The following MDC1 variants were observed in gnomAD, a reference collection of about 807,000 sequenced individuals.
MDC1 encodes the protein mediator of DNA damage checkpoint protein 1.
MDC1 carries 81 observed loss-of-function variants against 142.5 expected under a neutral mutation model. The ratio of observed to expected loss-of-function variants is 0.57; its 90% CI spans 0.47 to 0.68. The LOEUF (loss-of-function observed/expected upper bound fraction) is 0.68. Ranked by LOEUF, MDC1 falls within the 30% of genes least tolerant of loss-of-function variation. MDC1 has a pLI of 0.00. For missense variants in MDC1, 2,119 were observed against 2,547.9 expected, an observed-to-expected ratio of 0.83 and a Z score of 3.62; for synonymous variants, 797 against 968.4, an observed-to-expected ratio of 0.82 and a Z score of 3.29.
chr6:30,704,615 G>A lies in MDC1; in HGVS notation c.4568C>T (p.Ser1523Phe). The A allele has an allele frequency of 6.2e-7, 1 of 1,610,512 alleles. No individual in the cohort carries two copies. Among genetic ancestry groups the A allele is most frequent in the South Asian group, 1.1e-5 (1 of 90,790 alleles). The stretch of plus-strand genomic sequence containing the variant: ...CACAACTGTTTCAGGGGTCTTGACA[G>A]AGGACCGATTTTTTCTTCCCCTAGT... ...RTTRGRKNRS[S>F]VKTPETVVPA... is the part of the protein sequence containing the mutation. The change falls in exon 10 of 15, where the codon TCT becomes TTT. Residue 1523 changes from serine to phenylalanine, a missense_variant. Coordinates refer to ENST00000376406, the MANE Select transcript of MDC1 (RefSeq NM_014641.3).
chr6:30,713,526 A>T lies in MDC1; in HGVS notation c.587+122T>A. The T allele has an allele frequency of 8.0e-7, 1 of 1,247,404 alleles. No individual in the cohort carries two copies. The highest frequency in any genetic ancestry group is 1.5e-5 in the African/African-American group (1 of 65,700). The allele number at this position is 1,247,404 out of a possible 1,614,324, so 77.3% of individuals were successfully genotyped here. A position where few individuals can be genotyped will look rare whatever the true frequency, so the allele number is the denominator to read the frequency against. ...GCTCCATAAAAATTCAGCTGAGTGA[A>T]TGAATATGTATGGTTCCCCAGCCCC... On this transcript the variant is annotated intron_variant, in intron 4 of 14. Transcript: ENST00000376406. The surrounding 1 kb of genome is among the most constrained non-coding windows in gnomAD (Gnocchi z 4.9).
Position 30,700,690 on chromosome 6 carries a change from A to T in MDC1, c.6103-58T>A. ...GAAAAAGAATCCTAGAAATGGGTTC[A>T]GGACCCACTAACCAGTCTTACCATC... On this transcript the variant is annotated intron_variant, in intron 14 of 14. Coordinates refer to ENST00000376406, the MANE Select transcript of MDC1 (RefSeq NM_014641.3). 2.5e-6 allele frequency: 4 copies of T among 1,573,722 alleles called. No individual in the cohort carries two copies. The South Asian group carries it at 4.5e-5, about 18-fold the overall frequency.
At chr6:30,710,120 A>C (rs9501338) in intron 7 of MDC1, among the ~76,000 whole-genome samples, 7,376 of 149,186 alleles carry the variant, frequency 0.049, 358 homozygotes, top group African/African-American at 0.12. Context: ...ATGAAGTCTC[A>C]CTCTGTTGCC....
rs1562077114 is a variant in MDC1 at position 30,703,071 on chromosome 6, AT to A, written c.5865+32del. On this transcript the variant is annotated intron_variant, in intron 12 of 14. Transcript: ENST00000376406. The surrounding 1 kb of genome is among the most constrained non-coding windows in gnomAD (Gnocchi z 4.4). ...GCACTATATGAGCAGTCTTGCCACT[AT>A]ATCGGTCTGTCATCATCCCTTGGCC... 2.5e-6 allele frequency: 4 copies of A among 1,601,444 alleles called. No homozygotes were observed. The South Asian group carries it at 4.5e-5, about 18-fold the overall frequency.
At chr6:30,710,558 C>G (rs917748941) in intron 7 of MDC1, among the ~76,000 whole-genome samples, 5 of 150,202 alleles carry the variant, frequency 3.3e-5, no homozygotes, top group African/African-American at 9.7e-5. Flanking sequence ...CCACCACACC[C>G]GGCTAATTTT....
rs1220222284 is a variant in MDC1 at position 30,703,327 on chromosome 6, C to A, written c.5683-41G>T. 5.6e-6 allele frequency: 9 copies of A among 1,608,248 alleles called. No individual in the cohort carries two copies. The Admixed American group carries it at 1.5e-4, about 27-fold the overall frequency. On this transcript the variant is annotated intron_variant, in intron 11 of 14. Transcript: ENST00000376406. The surrounding 1 kb of genome is among the most constrained non-coding windows in gnomAD (Gnocchi z 4.4). ...CCTGAGGTGGTTACGGCAACCCATG[C>A]CATCAGCACCCATCTCTACAATCCT...
rs751321678 is a variant in MDC1, at chr6:30,704,723, T to G, written c.4460A>C (p.Glu1487Ala). The change falls in exon 10 of 15, where the codon GAA becomes GCA. Residue 1487 changes from glutamate to alanine, a missense_variant. Transcript: ENST00000376406. ...CTCAGGGGCTGTGGGGACAACTGTT[T>G]CAGGAGTCTTGACAGAGGATCTATC... ...RTDRSSVKTP[E>A]TVVPTAPELQ... 8 of 1,611,538 alleles carry G rather than the reference T, an allele frequency of 5.0e-6. No homozygotes were observed. In the African/African-American group the frequency reaches 8.1e-5, roughly 16 times the overall value.
chr6:30,705,854 C>G lies in MDC1; in HGVS notation c.3329G>C (p.Arg1110Pro). The change falls in exon 10 of 15, where the codon CGG becomes CCG. Residue 1110 changes from arginine (R) to proline (P), a missense_variant. By Grantham distance (103) the Arg-to-Pro change is moderately radical (BLOSUM62 -2). Transcript: ENST00000376406. ...PFHPKPKIRT[R>P]KSSRMTPFPA... Reference sequence around the variant, plus strand: ...AAAGGGTGTCATTCTGGAGGACTTCCGAGTTCTAATTTTAGGCTTTGGGTG... The same window carrying G: ...AAAGGGTGTCATTCTGGAGGACTTCGGAGTTCTAATTTTAGGCTTTGGGTG... 1 of 1,610,630 alleles carries G rather than the reference C, an allele frequency of 6.2e-7. No homozygotes were observed. The highest frequency in any genetic ancestry group is 8.5e-7 in the Non-Finnish European group (1 of 1,178,300).
At position 30,703,863 on chromosome 6, in the gene MDC1, C is replaced by A; in HGVS notation, c.5320G>T (p.Ala1774Ser). The A allele has an allele frequency of 2.5e-6, 4 of 1,613,854 alleles. No homozygotes were observed. Among genetic ancestry groups the A allele is most frequent in the Middle Eastern group, 1.7e-4 (1 of 6,058 alleles). Residue 1774 changes from alanine (A) to serine (S), a missense_variant, in exon 10 of 15, where the codon GCC becomes TCC. Transcript: ENST00000376406. This position sits in a 1 kb window ranked among gnomAD's most constrained non-coding sequence, Gnocchi z 4.4. Reference sequence around the variant, plus strand: ...GGTGTCTCAAGAAGCTGGGGAGAGGCAGGCTCAGGAATGGCTGTAAGGGAT... The same window carrying A: ...GGTGTCTCAAGAAGCTGGGGAGAGGAAGGCTCAGGAATGGCTGTAAGGGAT... ...AESLTAIPEP[A>S]SPQLLETPIH...
intron 6 of MDC1, 38 bp from the exon 7 acceptor site, chr6:30,711,542 T>C: frequency 6.2e-7 from 1 of 1,601,824 alleles, no homozygotes; most frequent in Non-Finnish European, 8.5e-7. Flanking sequence ...ATCTCCTCCA[T>C]ACTACTGTAG....
At position 30,705,582 on chromosome 6, in the gene MDC1, T is replaced by G. The variant is rs143258964; in HGVS notation, c.3601A>C (p.Thr1201Pro). ...KSRSSVKTPE[T>P]VVPTALELQP... ...AGCTCAAGGGCTGTGGGCACAACTG[T>G]TTCAGGGGTCTTGACAGAGGATCTA... is the stretch of plus-strand genomic sequence containing the variant. The change falls in exon 10 of 15, where the codon ACA becomes CCA. Residue 1201 changes from threonine (T) to proline (P), a missense_variant. Coordinates refer to ENST00000376406, the MANE Select transcript of MDC1 (RefSeq NM_014641.3). 5.2e-3 allele frequency: 7,996 copies of G among 1,543,964 alleles called. 144 individuals carry two copies. The highest frequency in any genetic ancestry group is 0.038 in the Middle Eastern group (217 of 5,694).
At position 30,699,822 on chromosome 6, in the gene MDC1, A is replaced by T. The variant is rs1452941360; in HGVS notation, c.*643T>A. 1 of 214,914 alleles carries T rather than the reference A, an allele frequency of 4.7e-6. No homozygotes were observed. Among genetic ancestry groups the T allele is most frequent in the East Asian group, 6.9e-5 (1 of 14,500 alleles). 13.3% of individuals were successfully genotyped at this position (214,914 alleles called of 1,614,324 possible). On this transcript the variant is annotated 3_prime_UTR_variant, in exon 15 of 15. Transcript: ENST00000376406. ...CACTACACCATAAGGCACAGAGTGAATATTTATTTATCACAGAGGTCAAGC... is the reference window on the plus strand; with the variant it reads ...CACTACACCATAAGGCACAGAGTGATTATTTATTTATCACAGAGGTCAAGC...
chr6:30,711,398 A>G lies in MDC1; in HGVS notation c.2221+14T>C. 6.3e-7 allele frequency: 1 copy of G among 1,595,806 alleles called. No homozygotes were observed. Among genetic ancestry groups the G allele is most frequent in the Non-Finnish European group, 8.6e-7 (1 of 1,165,636 alleles). ...CAGAATTGGGGACACAGAGGAGGGAAGAGTTTCTTATACCTGTTGTCTGGA... is the reference window on the plus strand; with the variant it reads ...CAGAATTGGGGACACAGAGGAGGGAGGAGTTTCTTATACCTGTTGTCTGGA... On this transcript the variant is annotated intron_variant, in intron 7 of 14. Coordinates refer to ENST00000376406, the MANE Select transcript of MDC1 (RefSeq NM_014641.3).
At chr6:30,707,335 A>G (rs1774044936) in intron 9 of MDC1, 49 bp downstream of exon 9, 1 of 1,539,860 alleles carries the variant, frequency 6.5e-7, no homozygotes, top group Non-Finnish European at 9.0e-7. Context: ...GCATTGGAGA[A>G]GATATAGAGA....
In MDC1 at chr6:30,703,149, G is replaced by C; in HGVS notation, c.5820C>G (p.Ala1940=). The change falls in exon 12 of 15, where the codon GCC becomes GCG. Residue 1940 remains alanine, a synonymous_variant. Transcript: ENST00000376406. The surrounding 1 kb of genome is among the most constrained non-coding windows in gnomAD (Gnocchi z 4.4). ...RIRRTVKFLC[A]LGRGIPILSL... Reference sequence around the variant, plus strand: ...ACAGAATGGGGATTCCCCGCCCCAGGGCACACAGGAACTTGACTGTCCGGC... The same window carrying C: ...ACAGAATGGGGATTCCCCGCCCCAGCGCACACAGGAACTTGACTGTCCGGC... The C allele has an allele frequency of 6.2e-7, 1 of 1,613,100 alleles. No individual in the cohort carries two copies. Among genetic ancestry groups the C allele is most frequent in the East Asian group, 2.2e-5 (1 of 44,882 alleles).
Position 30,705,035 on chromosome 6 carries a change from A to T in MDC1, c.4148T>A (p.Val1383Asp). ...LPPSTSTEQP[V>D]TPEPTSRATR... ...AGCCCGAGATGTGGGCTCAGGGGTG[A>T]CAGGCTGCTCTGTGGAGGTGGAAGG... The change falls in exon 10 of 15, where the codon GTC becomes GAC. Residue 1383 changes from valine (V) to aspartate (D), a missense_variant. By Grantham distance (152) the Val-to-Asp change is radical. Transcript: ENST00000376406. 1 of 1,611,192 alleles carries T rather than the reference A, an allele frequency of 6.2e-7. No individual in the cohort carries two copies. Among genetic ancestry groups the T allele is most frequent in the Non-Finnish European group, 8.5e-7 (1 of 1,179,240 alleles).
rs936179352 is a variant in MDC1 at position 30,705,127 on chromosome 6, C to T, written c.4056G>A (p.Arg1352=). The part of the protein sequence containing the change: ...VTPKPTSRTT[R]SRTNMSSVKN... ...TCACAGAGGACATATTTGTCCTGCT[C>T]CTAGTGGTCCGAGATGTGGGCTTAG... The change falls in exon 10 of 15, where the codon AGG becomes AGA. Residue 1352 remains arginine, a synonymous_variant. Transcript: ENST00000376406. 1 of 1,612,248 alleles carries T rather than the reference C, an allele frequency of 6.2e-7. No homozygotes were observed. Among genetic ancestry groups the T allele is most frequent in the African/African-American group, 1.3e-5 (1 of 74,194 alleles).
Position 30,713,202 on chromosome 6 carries a change from T to G in MDC1, c.740A>C (p.Gln247Pro). 1 of 1,613,138 alleles carries G rather than the reference T, an allele frequency of 6.2e-7. No homozygotes were observed. ...TTCAGTTACAACTTCAGCTTCAGAC[T>G]GCTTTGCCTCTACAGTGGCACCTCT... is the stretch of plus-strand genomic sequence containing the variant. ...ARRGATVEAK[Q>P]SEAEVVTEIQ... Residue 247 changes from glutamine (Q) to proline (P), a missense_variant, in exon 5 of 15, where the codon CAG becomes CCG. Coordinates refer to ENST00000376406, the MANE Select transcript of MDC1 (RefSeq NM_014641.3). The surrounding 1 kb of genome is among the most constrained non-coding windows in gnomAD (Gnocchi z 4.9).
chr6:30,715,069 A>G lies in MDC1; in HGVS notation c.107T>C (p.Ile36Thr), dbSNP rs1395282094. The change falls in exon 2 of 15, where the codon ATC (isoleucine) becomes ACC (threonine). Residue 36 changes from isoleucine (I) to threonine (T), a missense_variant. Transcript: ENST00000376406. The surrounding 1 kb of genome is among the most constrained non-coding windows in gnomAD (Gnocchi z 4.1). ...CNVEPVGRLHIFSGAHGPEKD... is the reference protein window; with the variant it reads ...CNVEPVGRLHTFSGAHGPEKD... ...TTCTGGTCCATGGGCACCACTAAAGATATGTAGCCGCCCTACTGGCTCCAC... is the reference window on the plus strand; with the variant it reads ...TTCTGGTCCATGGGCACCACTAAAGGTATGTAGCCGCCCTACTGGCTCCAC... The G allele has an allele frequency of 6.2e-7, 1 of 1,614,210 alleles. No homozygotes were observed. The highest frequency in any genetic ancestry group is 8.5e-7 in the Non-Finnish European group (1 of 1,180,038).
Sources: gnomAD v4.1 joint callset for allele counts (sites outside exome capture counted in the v4.1 genomes callset) on GRCh38, gnomAD v4.1.1 for gene constraint, Gnocchi (gnomAD v3.1) non-coding constraint, MANE v1.5 for transcripts, NCBI Gene and HGNC (gene_info 2026-07-23, HGNC 2026-07-21) for gene names.